Variants in GK5 observed in about 807,000 individuals in gnomAD.
GK5 encodes ATP:glycerol 3-phosphotransferase 5.
In GK5, 39 loss-of-function variants were observed where a neutral mutation model predicts 77.3. That is an observed-to-expected ratio of 0.50 (90% CI 0.39 to 0.66). The LOEUF is 0.66. Ranked by LOEUF, GK5 falls within the 30% of genes least tolerant of loss-of-function variation. The pLI, the probability that GK5 is intolerant of heterozygous loss-of-function variation, is 0.00. For missense variants in GK5, 487 were observed against 633.8 expected (o/e 0.77, Z 2.49); for synonymous variants, 211 against 208.0 (o/e 1.01, Z -0.13).
At chr3:142,181,141 T>A (rs1478241459) in intron 11 of GK5, among the ~76,000 whole-genome samples, 1 of 152,210 alleles carries the variant, frequency 6.6e-6, no homozygotes. Flanking sequence ...ATTTTTGTCA[T>A]GTTATTAATT....
In GK5 at chr3:142,186,946, C is replaced by T. The variant is rs377487154; in HGVS notation, c.620-433G>A. Among the ~76,000 whole-genome samples, 20 of 152,086 alleles carry T rather than the reference C, an allele frequency of 1.3e-4. 1 individual carries two copies. The highest frequency in any genetic ancestry group is 4.8e-4 in the African/African-American group (20 of 41,516). On this transcript the variant is annotated intron_variant, in intron 6 of 15. Transcript: ENST00000392993. The stretch of plus-strand genomic sequence containing the variant: ...GCACCTGGCCCAAAATGTGTATTTT[C>T]AATGTGAAGTCTCCAAAAGCAATTT...
At chr3:142,193,128 T>C (rs2063877386) in intron 5 of GK5, among the ~76,000 whole-genome samples, 1 of 152,186 alleles carries the variant, frequency 6.6e-6, no homozygotes, top group African/African-American at 2.4e-5. Flanking sequence ...GTTCATTAAT[T>C]GTAACAGATG....
chr3:142,167,034 T>C (rs375761850), intron 15 of GK5, among the ~76,000 whole-genome samples: 24 of 152,194 alleles, frequency 1.6e-4, no homozygotes, highest in African/African-American at 5.8e-4. Context: ...TGTCAGGTCA[T>C]ATTCTTTTTA....
Position 142,160,157 on chromosome 3 carries a change from CT to C in GK5, c.*5464del. 1 of 152,240 alleles carries C rather than the reference CT, an allele frequency of 6.6e-6. No individual in the cohort carries two copies. The highest frequency in any genetic ancestry group is 1.5e-5 in the Non-Finnish European group (1 of 68,158). The allele number at this position is 152,240 out of a possible 1,614,324, so 9.4% of individuals were successfully genotyped here. ...GCCACTACACCTGGCCTTTTTCTCT[CT>C]TTTTTTAAATTGAGATGGGTGGGGT... On this transcript the variant is annotated 3_prime_UTR_variant, in exon 16 of 16. Transcript: ENST00000392993.
intron 2 of GK5, among the ~76,000 whole-genome samples, chr3:142,215,053 G>C (rs567316205): frequency 1.3e-5 from 2 of 152,276 alleles, no homozygotes; most frequent in East Asian, 3.9e-4. Context: ...GAATTTACAA[G>C]TAATCTTTGC....
rs1310853299 is a variant in GK5, at chr3:142,163,833, A to T, written c.*1789T>A. 1 of 152,034 alleles carries T rather than the reference A, an allele frequency of 6.6e-6. No individual in the cohort carries two copies. 9.4% of individuals were successfully genotyped at this position (152,034 alleles called of 1,614,324 possible). On this transcript the variant is annotated 3_prime_UTR_variant, in exon 16 of 16. Coordinates refer to ENST00000392993, the MANE Select transcript of GK5 (RefSeq NM_001039547.3). ...CAACACAGCAAGACCCTGTCTCTAC[A>T]AAAAAAGAAAAAGAAAAAAAAATTA...
At chr3:142,207,752 G>A (rs2064131770) in intron 3 of GK5, among the ~76,000 whole-genome samples, 1 of 152,120 alleles carries the variant, frequency 6.6e-6, no homozygotes, top group South Asian at 2.1e-4. Context: ...TCACTATCTT[G>A]TTTGTGTCTA....
chr3:142,194,292 G>A (rs545023290), intron 5 of GK5, among the ~76,000 whole-genome samples: 3 of 152,108 alleles, frequency 2.0e-5, no homozygotes, highest in African/African-American at 4.8e-5. Context: ...TTGGAAGGTC[G>A]AGGCGGGCAG....
chr3:142,171,581 A>G, intron 13 of GK5, 103 bp from the exon 14 acceptor site: 1 of 837,164 alleles, frequency 1.2e-6, no homozygotes, highest in East Asian at 3.4e-5. Context: ...TATTTATTTG[A>G]TATTTATAAA....
chr3:142,166,457 C>A (rs1333613379), intron 15 of GK5, among the ~76,000 whole-genome samples: 2 of 151,932 alleles, frequency 1.3e-5, no homozygotes, highest in East Asian at 1.9e-4. Context: ...TATTTAAATT[C>A]CAGTTTAAGA....
chr3:142,197,468 CT>C (rs1251523902), intron 5 of GK5, among the ~76,000 whole-genome samples: 2 of 152,190 alleles, frequency 1.3e-5, no homozygotes, highest in African/African-American at 4.8e-5. Context: ...CATGATATAT[CT>C]TTTCCACTCA....
At chr3:142,215,799 T>A in intron 1 of GK5, 107 bp from the exon 2 acceptor site, 1 of 588,314 alleles carries the variant, frequency 1.7e-6, no homozygotes, top group Non-Finnish European at 3.0e-6. Context: ...GATTTTATTA[T>A]CTAATTAATT....
At chr3:142,180,979 G>A (rs1022698178) in intron 11 of GK5, among the ~76,000 whole-genome samples, 7 of 152,176 alleles carry the variant, frequency 4.6e-5, no homozygotes, top group Non-Finnish European at 8.8e-5. Flanking sequence ...GCACAAATGA[G>A]GGGCGGATCC....
At chr3:142,222,542 C>T (rs919967074) in intron 1 of GK5, among the ~76,000 whole-genome samples, 1 of 150,536 alleles carries the variant, frequency 6.6e-6, no homozygotes, top group South Asian at 2.1e-4. Flanking sequence ...CCAGCCTGGG[C>T]GACAGAGCGA....
chr3:142,187,527 C>A (rs1428637362), intron 6 of GK5, among the ~76,000 whole-genome samples, 177 bp downstream of exon 6: 1 of 151,768 alleles, frequency 6.6e-6, no homozygotes, highest in African/African-American at 2.4e-5. Context: ...ATCGCTTGAG[C>A]CCAGGAAGCT....
At chr3:142,186,630 C>CTTTTT (rs781196956) in intron 6 of GK5, 117 bp from the exon 7 acceptor site, 14 of 262,450 alleles carry the variant, frequency 5.3e-5, no homozygotes, top group South Asian at 8.4e-5. Flanking sequence ...TGTGTATTTT[C>CTTTTT]TTTTTTTTTT....
In GK5 at chr3:142,161,787, G is replaced by T. The variant is rs1255530111; in HGVS notation, c.*3835C>A. 1.3e-5 allele frequency: 2 copies of T among 151,396 alleles called. No homozygotes were observed. Among genetic ancestry groups the T allele is most frequent in the East Asian group, 3.8e-4 (2 of 5,200 alleles). 9.4% of individuals were successfully genotyped at this position (151,396 alleles called of 1,614,324 possible). ...ACATCAGAAGACAATTACAGCATGAGATATTGATTGATTGATTGATTGATT... is the reference window on the plus strand; with the variant it reads ...ACATCAGAAGACAATTACAGCATGATATATTGATTGATTGATTGATTGATT... On this transcript the variant is annotated 3_prime_UTR_variant, in exon 16 of 16. Coordinates refer to ENST00000392993, the MANE Select transcript of GK5 (RefSeq NM_001039547.3).
At chr3:142,185,217 G>T in intron 9 of GK5, 1 of 601,590 alleles carries the variant, frequency 1.7e-6, no homozygotes, top group Non-Finnish European at 2.1e-6. Flanking sequence ...TTCGAGATCA[G>T]CCAGGGGAAC....
chr3:142,184,568 A>AGC (rs1485107355), intron 9 of GK5: 1 of 152,180 alleles, frequency 6.6e-6, no homozygotes, highest in Non-Finnish European at 1.5e-5. Flanking sequence ...AAACTCATCT[A>AGC]AAGGCTGGGC....
Sources: gnomAD v4.1 joint callset for allele counts (sites outside exome capture counted in the v4.1 genomes callset) on GRCh38, gnomAD v4.1.1 for gene constraint, MANE v1.5 for transcripts, NCBI Gene and HGNC (gene_info 2026-07-23, HGNC 2026-07-21) for gene names.